Variants in CSMD2 observed in about 807,000 individuals in gnomAD.
CSMD2 encodes CUB and Sushi multiple domains 2.
Under a neutral mutation model 398.5 loss-of-function variants are expected in CSMD2, and 130 were observed. The observed-to-expected ratio is 0.33, with a 90% confidence interval of 0.28 to 0.38. CSMD2 has a LOEUF of 0.38. Among genes scored for constraint, CSMD2 ranks in the 10% least tolerant of loss-of-function variants. CSMD2 has a pLI of 1.00. For synonymous variants in CSMD2, 1,828 were observed against 1,908.5 expected, an observed-to-expected ratio of 0.96 and a Z score of 1.10; for missense variants, 3,829 against 4,764.9, an observed-to-expected ratio of 0.80 and a Z score of 5.78.
intron 2 of CSMD2, among the ~76,000 whole-genome samples, chr1:34,039,196 C>T (rs1481378788): frequency 6.6e-6 from 1 of 152,182 alleles, no homozygotes. Flanking sequence ...GCACCTCCCA[C>T]CCCTGTGGAG....
intron 41 of CSMD2, among the ~76,000 whole-genome samples, chr1:33,607,408 G>A (rs964855911): frequency 1.3e-5 from 2 of 152,352 alleles, no homozygotes; most frequent in Non-Finnish European, 2.9e-5. Context: ...AACAGCCTCA[G>A]TGGGGACAAA....
intron 44 of CSMD2, among the ~76,000 whole-genome samples, chr1:33,589,066 A>G (rs965908146): frequency 6.6e-6 from 1 of 152,184 alleles, no homozygotes; most frequent in Non-Finnish European, 1.5e-5. Context: ...CTATAGACGC[A>G]CTCGCTGAAA....
chr1:33,640,887 G>A (rs1643066450), intron 29 of CSMD2, among the ~76,000 whole-genome samples: 1 of 152,192 alleles, frequency 6.6e-6, no homozygotes, highest in Admixed American at 6.5e-5. Context: ...AGCAGGTGTG[G>A]CCGTAGCTTC....
intron 32 of CSMD2, among the ~76,000 whole-genome samples, chr1:33,631,641 A>G (rs565951086): frequency 5.3e-5 from 8 of 152,280 alleles, no homozygotes; most frequent in African/African-American, 1.9e-4. Flanking sequence ...AATAAAGTTA[A>G]CAAACAATGA....
chr1:33,753,245 C>T (rs796863704), intron 13 of CSMD2, among the ~76,000 whole-genome samples: 16 of 152,344 alleles, frequency 1.1e-4, no homozygotes, highest in African/African-American at 3.6e-4. Context: ...AGCAGCCTCT[C>T]GCATCATAGG....
intron 70 of CSMD2, among the ~76,000 whole-genome samples, chr1:33,516,799 G>T (rs1203039874): frequency 1.3e-5 from 2 of 152,034 alleles, no homozygotes; most frequent in African/African-American, 2.4e-5. Flanking sequence ...TTTTTCCCTT[G>T]CAGGGCCAAC....
At chr1:33,581,474 G>A (rs1211566616) in intron 47 of CSMD2, among the ~76,000 whole-genome samples, 2 of 138,352 alleles carry the variant, frequency 1.4e-5, no homozygotes, top group Non-Finnish European at 3.0e-5. Flanking sequence ...AGGAGGTGGT[G>A]AGCCAAGATC....
intron 21 of CSMD2, among the ~76,000 whole-genome samples, chr1:33,710,867 C>T (rs1037692315): frequency 2.0e-5 from 3 of 152,190 alleles, no homozygotes; most frequent in Non-Finnish European, 4.4e-5. Flanking sequence ...CCACATGTCC[C>T]ACCACCAAGT....
intron 15 of CSMD2, among the ~76,000 whole-genome samples, chr1:33,729,231 T>A (rs1403280816): frequency 6.6e-6 from 1 of 152,126 alleles, no homozygotes; most frequent in African/African-American, 2.4e-5. Context: ...CGAAACCCCA[T>A]CTACAATCTC....
At chr1:33,540,488 G>C (rs1241641665) in intron 60 of CSMD2, 37 bp downstream of exon 60, 1 of 1,610,098 alleles carries the variant, frequency 6.2e-7, no homozygotes, top group Admixed American at 1.7e-5. Context: ...AGGAGCTATT[G>C]AAGAGGATGC....
At chr1:33,522,309 C>A (rs936470787) in intron 67 of CSMD2, among the ~76,000 whole-genome samples, 1 of 152,222 alleles carries the variant, frequency 6.6e-6, no homozygotes, top group Admixed American at 6.5e-5. Flanking sequence ...TAGGCAGTAG[C>A]TCCAGCTGTT....
intron 3 of CSMD2, among the ~76,000 whole-genome samples, chr1:33,989,012 CCATA>C (rs1646455060): frequency 4.1e-5 from 2 of 49,026 alleles, no homozygotes; most frequent in African/African-American, 7.4e-5. Flanking sequence ...CTCTCTCTCT[CCATA>C]TATATATATA....
intron 9 of CSMD2, among the ~76,000 whole-genome samples, chr1:33,816,376 C>T (rs1657464894): frequency 6.6e-6 from 1 of 152,150 alleles, no homozygotes; most frequent in African/African-American, 2.4e-5. Flanking sequence ...ATTTGGTCCT[C>T]TCACTATACC....
chr1:33,575,148 C>A (rs1249313785), intron 49 of CSMD2, among the ~76,000 whole-genome samples: 2 of 152,116 alleles, frequency 1.3e-5, no homozygotes, highest in South Asian at 4.1e-4. Flanking sequence ...GGAGGGGATA[C>A]AATCACAAAG....
intron 3 of CSMD2, among the ~76,000 whole-genome samples, chr1:33,972,859 G>A (rs1045356333): frequency 3.3e-5 from 5 of 152,140 alleles, no homozygotes; most frequent in Admixed American, 6.5e-5. Flanking sequence ...CTGCACGAGC[G>A]CAACTGACTC....
chr1:33,865,824 A>C (rs1639991930), intron 5 of CSMD2, among the ~76,000 whole-genome samples: 1 of 152,160 alleles, frequency 6.6e-6, no homozygotes, highest in Non-Finnish European at 1.5e-5. Flanking sequence ...ACTTGACTAT[A>C]ATTTGACACA....
chr1:33,823,599 G>A (rs961601003), intron 7 of CSMD2, among the ~76,000 whole-genome samples: 9 of 152,100 alleles, frequency 5.9e-5, no homozygotes, highest in Admixed American at 3.9e-4. Context: ...ACAGGTGGGT[G>A]GGTGGTCAGA....
chr1:33,567,711 G>A lies in CSMD2; in HGVS notation c.8262C>T (p.Asn2754=). The change falls in exon 53 of 71, where the codon AAC becomes AAT. Residue 2754 remains asparagine, a synonymous_variant. Coordinates refer to ENST00000373381, the MANE Select transcript of CSMD2 (RefSeq NM_001281956.2). The part of the protein sequence containing the change: ...PIVNGHINGE[N]YSYRGSVVYQ... ...ACACCACACTGCCCCGGTAGCTGTA[G>A]TTCTCCCCATTGATGTGTCCGTTGA... is the stretch of plus-strand genomic sequence containing the variant. 6.2e-7 allele frequency: 1 copy of A among 1,614,174 alleles called. No homozygotes were observed. The highest frequency in any genetic ancestry group is 8.5e-7 in the Non-Finnish European group (1 of 1,180,018).
chr1:33,674,573 T>C (rs1644633034), intron 25 of CSMD2, among the ~76,000 whole-genome samples: 1 of 152,072 alleles, frequency 6.6e-6, no homozygotes. Flanking sequence ...AACAAGGATA[T>C]CCAGGAATTG....
Sources: gnomAD v4.1 joint callset for allele counts (sites outside exome capture counted in the v4.1 genomes callset) on GRCh38, gnomAD v4.1.1 for gene constraint, MANE v1.5 for transcripts, NCBI Gene and HGNC (gene_info 2026-07-23, HGNC 2026-07-21) for gene names.